The following SPTLC2 variants were observed in gnomAD, a reference collection of about 807,000 sequenced individuals.
SPTLC2 encodes the protein serine palmitoyltransferase 2.
SPTLC2 carries 21 observed loss-of-function variants against 62.0 expected under a neutral mutation model. The observed-to-expected ratio is 0.34, with a 90% CI of 0.24 to 0.49. SPTLC2 has a LOEUF of 0.49. Among genes scored for constraint, SPTLC2 ranks in the 20% least tolerant of loss-of-function variants. The pLI is 0.99. For missense variants in SPTLC2, 511 were observed against 713.0 expected (o/e 0.72, Z 3.23); for synonymous variants, 261 against 261.8 (o/e 1.00, Z 0.03).
At chr14:77,588,471 G>A (rs969046533) in intron 2 of SPTLC2, among the ~76,000 whole-genome samples, 8 of 151,270 alleles carry the variant, frequency 5.3e-5, no homozygotes, top group South Asian at 2.1e-4. Context: ...CAGGTGGATC[G>A]CTTGAGCTCA....
chr14:77,588,279 G>T (rs1216984736), intron 2 of SPTLC2, among the ~76,000 whole-genome samples: 1 of 152,138 alleles, frequency 6.6e-6, no homozygotes, highest in East Asian at 1.9e-4. Context: ...AGCCTTATGA[G>T]ATAGATTTAG....
rs532688283 is a variant in SPTLC2 at position 77,592,896 on chromosome 14, G to A, written c.327+4290C>T. Among the ~76,000 whole-genome samples, 330 of 152,232 alleles carry A rather than the reference G, an allele frequency of 2.2e-3. 2 individuals are homozygous for A. Among genetic ancestry groups the A allele is most frequent in the African/African-American group, 7.2e-3 (300 of 41,554 alleles). ...AGGCCAAGGCAGGCTGAGGTCAGGA[G>A]TTTGAGACCAGGCTGGCCAACATGG... On this transcript the variant is annotated intron_variant, in intron 2 of 11. Coordinates refer to ENST00000216484, the MANE Select transcript of SPTLC2 (RefSeq NM_004863.4).
intron 2 of SPTLC2, among the ~76,000 whole-genome samples, chr14:77,586,947 C>T (rs934079347): frequency 9.9e-5 from 15 of 152,132 alleles, no homozygotes; most frequent in African/African-American, 3.1e-4. Context: ...AATTCTTGGC[C>T]GGGCGCAGTG....
At chr14:77,586,653 G>A (rs2079783257) in intron 2 of SPTLC2, among the ~76,000 whole-genome samples, 1 of 152,140 alleles carries the variant, frequency 6.6e-6, no homozygotes, top group African/African-American at 2.4e-5. Flanking sequence ...CCACAAAAGA[G>A]GGATGGTAGA....
chr14:77,560,398 C>A (rs1310927749), intron 6 of SPTLC2, among the ~76,000 whole-genome samples: 1 of 151,996 alleles, frequency 6.6e-6, no homozygotes, highest in Non-Finnish European at 1.5e-5. Flanking sequence ...CCAGCCTGGG[C>A]AACATGGTGA....
In SPTLC2 at chr14:77,589,411, G is replaced by A. The variant is rs145935472; in HGVS notation, c.327+7775C>T. Among the ~76,000 whole-genome samples, 821 of 151,858 alleles carry A rather than the reference G, an allele frequency of 5.4e-3. 6 individuals carry two copies. Among genetic ancestry groups the A allele is most frequent in the Middle Eastern group, 0.014 (4 of 290 alleles). On this transcript the variant is annotated intron_variant, in intron 2 of 11. Transcript: ENST00000216484. ...ATGTGTGTACGTACACACCTACCTC[G>A]ACTACAAATACTTCAAAATACTTTA... is the stretch of plus-strand genomic sequence containing the variant.
At chr14:77,520,886 C>T (rs764750048) in intron 10 of SPTLC2, among the ~76,000 whole-genome samples, 3 of 152,230 alleles carry the variant, frequency 2.0e-5, no homozygotes, top group South Asian at 2.1e-4. Context: ...GCTACTCTTC[C>T]GTCAGCTAAG....
At chr14:77,513,145 C>T (rs915291110) in intron 11 of SPTLC2, among the ~76,000 whole-genome samples, 2 of 148,750 alleles carry the variant, frequency 1.3e-5, no homozygotes, top group African/African-American at 4.9e-5. Context: ...CTGCCTCAGC[C>T]TCTTGAGTAG....
At chr14:77,574,459 C>T (rs952969752) in intron 4 of SPTLC2, among the ~76,000 whole-genome samples, 1 of 152,172 alleles carries the variant, frequency 6.6e-6, no homozygotes, top group Non-Finnish European at 1.5e-5. Flanking sequence ...AAGTCAAACA[C>T]AGAGTTACCA....
At chr14:77,597,478 G>A in intron 1 of SPTLC2, 98 bp from the exon 2 acceptor site, 1 of 1,222,668 alleles carries the variant, frequency 8.2e-7, no homozygotes. Context: ...TATACCTTAA[G>A]AATTTTCTAA....
Position 77,578,975 on chromosome 14 carries a change from A to G in SPTLC2, c.462T>C (p.His154=). ...CTCACTTGAAGGACCAGTTATAATCATGAGACTGTCTCTCCATGATGTCCA... is the reference window on the plus strand; with the variant it reads ...CTCACTTGAAGGACCAGTTATAATCGTGAGACTGTCTCTCCATGATGTCCA... ...ARVDIMERQS[H]DYNWSFKYTG... Residue 154 remains histidine, a synonymous_variant, in exon 3 of 12, where the codon CAT becomes CAC. Coordinates refer to ENST00000216484, the MANE Select transcript of SPTLC2 (RefSeq NM_004863.4). 1 of 1,614,110 alleles carries G rather than the reference A, an allele frequency of 6.2e-7. No homozygotes were observed. The highest frequency in any genetic ancestry group is 8.5e-7 in the Non-Finnish European group (1 of 1,180,020).
intron 1 of SPTLC2, among the ~76,000 whole-genome samples, chr14:77,608,585 G>C (rs2079917434): frequency 6.6e-6 from 1 of 152,078 alleles, no homozygotes; most frequent in Non-Finnish European, 1.5e-5. Context: ...GAGAGAGGCA[G>C]ACAACAGATA....
At chr14:77,550,402 C>T (rs1201788920) in intron 9 of SPTLC2, among the ~76,000 whole-genome samples, 2 of 152,134 alleles carry the variant, frequency 1.3e-5, no homozygotes, top group Non-Finnish European at 2.9e-5. Context: ...CGGAGAAACC[C>T]GGTCTCTACT....
chr14:77,593,028 T>C (rs1421245271), intron 2 of SPTLC2, among the ~76,000 whole-genome samples: 3 of 150,868 alleles, frequency 2.0e-5, no homozygotes, highest in Non-Finnish European at 4.4e-5. Flanking sequence ...ACTTGAACCG[T>C]GGAGGCGGAG....
intron 2 of SPTLC2, among the ~76,000 whole-genome samples, chr14:77,581,427 T>TTTTTTTTG (rs2079750228): frequency 1.5e-5 from 2 of 135,888 alleles, no homozygotes; most frequent in Admixed American, 7.6e-5. Flanking sequence ...TTTTTTTTTT[T>TTTTTTTTG]GAGGCAGAGT....
Position 77,616,573 on chromosome 14 carries a change from G to A in SPTLC2, c.7C>T (p.Pro3Ser). 1 of 1,538,100 alleles carries A rather than the reference G, an allele frequency of 6.5e-7. No homozygotes were observed. The highest frequency in any genetic ancestry group is 1.2e-5 in the South Asian group (1 of 84,332). The change falls in exon 1 of 12, where the codon CCG becomes TCG. Residue 3 changes from proline (P) to serine (S), a missense_variant. Pro to Ser is a moderately conservative substitution (Grantham distance 74). Transcript: ENST00000216484. MR[P>S]EPGGCCCRRT... is the part of the protein sequence containing the mutation. ...CGGCAGCAGCAGCCTCCGGGCTCCGGCCGCATCTTCCTGGCAGCACCAGGC... is the reference window on the plus strand; with the variant it reads ...CGGCAGCAGCAGCCTCCGGGCTCCGACCGCATCTTCCTGGCAGCACCAGGC...
At chr14:77,521,706 T>C (rs2079385722) in intron 9 of SPTLC2, 125 bp from the exon 10 acceptor site, 2 of 855,726 alleles carry the variant, frequency 2.3e-6, no homozygotes, top group East Asian at 5.3e-5. Context: ...CATTTCACCA[T>C]AAAATATTTT....
intron 9 of SPTLC2, among the ~76,000 whole-genome samples, chr14:77,550,909 CAAAAACCAGAAAA>C (rs2079552103): frequency 2.0e-5 from 1 of 51,178 alleles, no homozygotes; most frequent in Non-Finnish European, 4.0e-5. Flanking sequence ...GTCTCAAAAA[CAAAAACCAGAAAA>C]AAAAAAAAAG....
intron 11 of SPTLC2, among the ~76,000 whole-genome samples, chr14:77,514,914 T>A: frequency 6.6e-6 from 1 of 152,240 alleles, no homozygotes; most frequent in East Asian, 1.9e-4. Flanking sequence ...GTCTTTGTTT[T>A]GGCTTCTTTC....
Sources: allele counts gnomAD v4.1 joint callset (sites outside exome capture counted in the v4.1 genomes callset), GRCh38; gene constraint gnomAD v4.1.1; transcripts MANE v1.5; gene names NCBI Gene and HGNC (gene_info 2026-07-23, HGNC 2026-07-21).